VCL: variants seen among roughly 807,000 people sequenced by gnomAD.
VCL encodes epididymis luminal protein 114.
Under a neutral mutation model 125.7 loss-of-function variants are expected in VCL, and 47 were observed. That is an observed-to-expected ratio of 0.37 (90% CI 0.30 to 0.48). The LOEUF is 0.48. Among genes scored for constraint, VCL ranks in the 20% least tolerant of loss-of-function variants. The pLI is 0.99. For synonymous variants in VCL, 458 were observed against 514.6 expected, an observed-to-expected ratio of 0.89 and a Z score of 1.49; for missense variants, 1,069 against 1,455.5, an observed-to-expected ratio of 0.73 and a Z score of 4.32.
At chr10:74,055,591 G>A (rs1163114559) in intron 2 of VCL, among the ~76,000 whole-genome samples, 1 of 151,870 alleles carries the variant, frequency 6.6e-6, no homozygotes, top group Non-Finnish European at 1.5e-5. Context: ...GAACTCCTGG[G>A]TTCAGTCAAT....
rs34837874 is a variant in VCL, at chr10:74,105,912, C to CT, written c.2434+581dup. On this transcript the variant is annotated intron_variant, in intron 16 of 21. Coordinates refer to ENST00000211998, the MANE Select transcript of VCL (RefSeq NM_014000.3). The stretch of plus-strand genomic sequence containing the variant: ...TGAGCCACCGTGCCCAACCTCTGCG[C>CT]TTTTTTTTTTTTTTTTTTTTTTGAG... Among the ~76,000 whole-genome samples the CT allele has an allele frequency of 1.7e-3, 117 of 70,100 alleles. 3 individuals are homozygous for CT. Among genetic ancestry groups the CT allele is most frequent in the South Asian group, 0.017 (38 of 2,296 alleles). 46.0% of individuals were successfully genotyped at this position (70,100 alleles called of 152,430 possible). A position where few individuals can be genotyped will look rare whatever the true frequency, so the allele number is the denominator to read the frequency against.
intron 1 of VCL, among the ~76,000 whole-genome samples, chr10:74,031,423 G>A (rs187708954): frequency 6.3e-4 from 96 of 152,086 alleles, no homozygotes; most frequent in African/African-American, 2.3e-3. Context: ...AAAAAATGAC[G>A]ACCTTTTCTT....
intron 8 of VCL, among the ~76,000 whole-genome samples, chr10:74,085,828 A>G (rs1438687978): frequency 6.6e-6 from 1 of 152,148 alleles, no homozygotes; most frequent in African/African-American, 2.4e-5. Flanking sequence ...AGTGCAATAG[A>G]CATAAGAATG....
chr10:74,087,757 C>G (rs1467715450), intron 8 of VCL, among the ~76,000 whole-genome samples: 1 of 151,814 alleles, frequency 6.6e-6, no homozygotes, highest in Admixed American at 6.6e-5. Flanking sequence ...TGGTGGATCT[C>G]TTGAGGTCGG....
chr10:74,114,434 T>TGCGTGTGTGTGTGC, intron 20 of VCL, 47 bp downstream of exon 20: 1 of 1,468,256 alleles, frequency 6.8e-7, no homozygotes, highest in Non-Finnish European at 9.4e-7. Flanking sequence ...TGTGTGTGTG[T>TGCGTGTGTGTGTGC]GTGCGTGTGT....
At chr10:74,090,230 T>TGA in intron 10 of VCL, 32 bp downstream of exon 10, 1 of 1,611,358 alleles carries the variant, frequency 6.2e-7, no homozygotes, top group South Asian at 1.1e-5. Context: ...TGCCTTTTCA[T>TGA]ATCTTTTCTT....
chr10:74,091,600 C>A (rs545832053), intron 10 of VCL, among the ~76,000 whole-genome samples: 1 of 151,472 alleles, frequency 6.6e-6, no homozygotes, highest in Non-Finnish European at 1.5e-5. Context: ...GCCAGCCTGG[C>A]CAACATGGTG....
chr10:74,012,094 A>T lies in VCL; in HGVS notation c.168+13719A>T, dbSNP rs527767087. On this transcript the variant is annotated intron_variant, in intron 1 of 21. Coordinates refer to ENST00000211998, the MANE Select transcript of VCL (RefSeq NM_014000.3). ...TGAGTAAGCTTTCTGTGAAGAAAGA[A>T]ATGGCACAGTTGTTAGAGTTGAGAG... is the stretch of plus-strand genomic sequence containing the variant. Among the ~76,000 whole-genome samples the T allele has an allele frequency of 2.5e-3, 384 of 152,332 alleles. 3 individuals carry two copies. Among genetic ancestry groups the T allele is most frequent in the Non-Finnish European group, 4.0e-3 (271 of 68,032 alleles).
At chr10:74,029,661 T>C (rs1436681363) in intron 1 of VCL, among the ~76,000 whole-genome samples, 1 of 152,230 alleles carries the variant, frequency 6.6e-6, no homozygotes, top group Non-Finnish European at 1.5e-5. Flanking sequence ...ACTGACATGG[T>C]TCATCTGCTG....
chr10:73,999,704 A>G (rs1028893123), intron 1 of VCL, among the ~76,000 whole-genome samples: 1 of 152,096 alleles, frequency 6.6e-6, no homozygotes, highest in Non-Finnish European at 1.5e-5. Flanking sequence ...GGACTGTCTC[A>G]AGCAATTTAG....
chr10:74,083,385 C>A lies in VCL; in HGVS notation c.894C>A (p.Ala298=). 6.2e-7 allele frequency: 1 copy of A among 1,614,044 alleles called. No individual in the cohort carries two copies. The change falls in exon 8 of 22, where the codon GCC becomes GCA. Residue 298 remains alanine (A), a synonymous_variant. Coordinates refer to ENST00000211998, the MANE Select transcript of VCL (RefSeq NM_014000.3). ...SASPGDAGEQ[A]IRQILDEAGK... is the part of the protein sequence containing the mutation. ...TTTTAGGGGATGCTGGTGAGCAGGC[C>A]ATCAGACAGATCTTAGATGAAGCTG...
rs1403685066 is a variant in VCL, at chr10:74,119,274, A to T, written c.*1105A>T. 6.6e-6 allele frequency: 1 copy of T among 152,616 alleles called. No individual in the cohort carries two copies. The highest frequency in any genetic ancestry group is 1.5e-5 in the Non-Finnish European group (1 of 68,050). The allele number at this position is 152,616 out of a possible 1,614,324, so 9.5% of individuals were successfully genotyped here. Reference sequence around the variant, plus strand: ...CTTTTTAAATTCAGTCCTAAGAAAGAGGAGTGCTTGTCCCCTAAGAGTGTT... The same window carrying T: ...CTTTTTAAATTCAGTCCTAAGAAAGTGGAGTGCTTGTCCCCTAAGAGTGTT... On this transcript the variant is annotated 3_prime_UTR_variant, in exon 22 of 22. Transcript: ENST00000211998.
At chr10:74,025,794 G>A (rs910120116) in intron 1 of VCL, among the ~76,000 whole-genome samples, 6 of 152,144 alleles carry the variant, frequency 3.9e-5, no homozygotes, top group African/African-American at 1.4e-4. Flanking sequence ...TTGAAGCAAT[G>A]TCACTTATCT....
At chr10:74,113,184 T>C (rs191332291) in intron 19 of VCL, among the ~76,000 whole-genome samples, 7 of 152,306 alleles carry the variant, frequency 4.6e-5, no homozygotes, top group African/African-American at 1.7e-4. Flanking sequence ...TTTTAGCTAG[T>C]TTTGAACACT....
intron 1 of VCL, among the ~76,000 whole-genome samples, chr10:74,007,505 C>CT (rs71482561): frequency 1.1e-4 from 17 of 151,594 alleles, no homozygotes; most frequent in Non-Finnish European, 1.6e-4. Context: ...ATGCAATATA[C>CT]TTTTTTTTGA....
At chr10:74,110,172 T>G (rs1419901996) in intron 18 of VCL, among the ~76,000 whole-genome samples, 3 of 152,170 alleles carry the variant, frequency 2.0e-5, no homozygotes, top group African/African-American at 7.2e-5. Context: ...TATAATGGTA[T>G]CTCTCCAACT....
intron 1 of VCL, among the ~76,000 whole-genome samples, chr10:73,998,933 C>G (rs757994805): frequency 6.6e-6 from 1 of 152,162 alleles, no homozygotes; most frequent in African/African-American, 2.4e-5. Context: ...ACCCCCGCTC[C>G]CCAGAGCTCC....
intron 18 of VCL, 58 bp downstream of exon 18, chr10:74,109,214 C>T (rs1051398468): frequency 6.7e-5 from 108 of 1,600,340 alleles, no homozygotes; most frequent in Non-Finnish European, 8.2e-5. Flanking sequence ...GGATGAAGGA[C>T]CATGAAAGAC....
chr10:74,082,497 A>G lies in VCL; in HGVS notation c.827A>G (p.Lys276Arg), dbSNP rs750778483. ...MKRALASIDS[K>R]LNQAKGWLRD... is the part of the protein sequence containing the mutation. The stretch of plus-strand genomic sequence containing the variant: ...AGAGCATTGGCCTCCATAGACTCCA[A>G]ACTGAACCAGGCCAAAGGTTGGCTC... Residue 276 changes from lysine to arginine, a missense_variant, in exon 7 of 22, where the codon AAA (lysine) becomes AGA (arginine). Physicochemically the swap from Lys to Arg is conservative, Grantham distance 26. Around this residue, in one of 6 missense-constraint regions of VCL, gnomAD observed 760 missense variants for 928.9 expected, o/e 0.82. Coordinates refer to ENST00000211998, the MANE Select transcript of VCL (RefSeq NM_014000.3). 3 of 1,614,146 alleles carry G rather than the reference A, an allele frequency of 1.9e-6. No homozygotes were observed. Among genetic ancestry groups the G allele is most frequent in the Middle Eastern group, 1.6e-4 (1 of 6,062 alleles).
Sources: allele counts gnomAD v4.1 joint callset (sites outside exome capture counted in the v4.1 genomes callset), GRCh38; gene constraint gnomAD v4.1.1; regional missense constraint gnomAD v4.1.1; transcripts MANE v1.5; gene names NCBI Gene and HGNC (gene_info 2026-07-23, HGNC 2026-07-21).